The following RBM48 variants were observed in gnomAD, a reference collection of about 807,000 sequenced individuals.
The protein encoded by RBM48 is RNA binding motif protein 48, also known as RNA-binding protein 48.
Under a neutral mutation model 34.8 loss-of-function variants are expected in RBM48, and 32 were observed. That is an observed-to-expected ratio of 0.92 (90% CI 0.69 to 1.23). The LOEUF (loss-of-function observed/expected upper bound fraction) is 1.23, where lower values mean the gene tolerates loss of function less well. RBM48 is among the 50% of genes most tolerant of loss of function. The probability of loss-of-function intolerance (pLI) is 0.00; values close to 1 mark genes in which losing one functional copy is unlikely to be tolerated. For missense variants in RBM48, 441 were observed against 447.2 expected (o/e 0.99, Z 0.12); for synonymous variants, 151 against 156.2 (o/e 0.97, Z 0.25).
Position 92,534,638 on chromosome 7 carries a change from A to G in RBM48, c.685A>G (p.Arg229Gly). The G allele has an allele frequency of 6.2e-7, 1 of 1,614,208 alleles. No individual in the cohort carries two copies. The change falls in exon 4 of 5, where the codon AGA (arginine) becomes GGA (glycine). Residue 229 changes from arginine to glycine, a missense_variant. Coordinates refer to ENST00000265732, the MANE Select transcript of RBM48 (RefSeq NM_032120.4). ...DRAPDSSKDG[R>G]NHHKTMGHYN... ...AGCACCAGACTCCTCTAAGGATGGT[A>G]GAAACCATCATAAAACAATGGGGCA...
rs1793696525 is a variant in RBM48 at position 92,535,765 on chromosome 7, A to T, written c.1017+795A>T. On this transcript the variant is annotated intron_variant, in intron 4 of 4. Coordinates refer to ENST00000265732, the MANE Select transcript of RBM48 (RefSeq NM_032120.4). The stretch of plus-strand genomic sequence containing the variant: ...TTAATTTCATATATGTACATTTTTT[A>T]CCTAAAAATATCTGATTAAAGGTAT... 5.2e-6 allele frequency: 5 copies of T among 970,258 alleles called. No individual in the cohort carries two copies. The African/African-American group carries it at 7.0e-5, about 14-fold the overall frequency. 60.1% of individuals were successfully genotyped at this position (970,258 alleles called of 1,614,324 possible).
In RBM48 at chr7:92,539,861, CTA is replaced by C. The variant is rs1348485377; in HGVS notation, c.*2926_*2927del. On this transcript the variant is annotated 3_prime_UTR_variant, in exon 5 of 5. Transcript: ENST00000265732. The stretch of plus-strand genomic sequence containing the variant: ...AAAACCTTCATAAGCACAAAGTACT[CTA>C]TGTCTCCAAAATTTTAAAAACATTG... Among the ~76,000 whole-genome samples, 5 of 152,196 alleles carry C rather than the reference CTA, an allele frequency of 3.3e-5. No homozygotes were observed. Among genetic ancestry groups the C allele is most frequent in the African/African-American group, 4.8e-5 (2 of 41,456 alleles).
chr7:92,536,832 C>G lies in RBM48; in HGVS notation c.1018-19C>G. On this transcript the variant is annotated intron_variant, in intron 4 of 4. Coordinates refer to ENST00000265732, the MANE Select transcript of RBM48 (RefSeq NM_032120.4). ...CTATAGAAACTAAGTTTTAATGGTT[C>G]TTTTTTTTTTTTAATTAGGTAATTT... 2 of 1,154,944 alleles carry G rather than the reference C, an allele frequency of 1.7e-6. No individual in the cohort carries two copies. Among genetic ancestry groups the G allele is most frequent in the Non-Finnish European group, 2.4e-6 (2 of 838,584 alleles). The allele number at this position is 1,154,944 out of a possible 1,614,324, so 71.5% of individuals were successfully genotyped here.
At chr7:92,532,004 T>G (rs1451366369) in intron 2 of RBM48, among the ~76,000 whole-genome samples, 1 of 152,224 alleles carries the variant, frequency 6.6e-6, no homozygotes, top group African/African-American at 2.4e-5. Context: ...TTATAGTATC[T>G]TTCATCTGAT....
chr7:92,536,738 G>T, intron 4 of RBM48, 113 bp from the exon 5 acceptor site: 1 of 1,374,718 alleles, frequency 7.3e-7, no homozygotes, highest in Non-Finnish European at 9.4e-7. Context: ...ACTCTGCCTC[G>T]AAAGTGACAT....
intron 3 of RBM48, 125 bp downstream of exon 3, chr7:92,532,674 A>G (rs1793606219): frequency 3.0e-6 from 2 of 671,868 alleles, no homozygotes; most frequent in Admixed American, 2.9e-5. Context: ...GTAACTGTGA[A>G]CCACAGGGTT....
chr7:92,538,359 C>G lies in RBM48; in HGVS notation c.*1422C>G, dbSNP rs1397222215. On this transcript the variant is annotated 3_prime_UTR_variant, in exon 5 of 5. Transcript: ENST00000265732. ...GGGGGGTTAATCTTTAACCTCAGGC[C>G]TGGTCAGTGGCGTCGGTTGGTTTTG... 6.6e-6 allele frequency among the ~76,000 whole-genome samples: 1 copy of G among 152,178 alleles called. No homozygotes were observed. Among genetic ancestry groups the G allele is most frequent in the African/African-American group, 2.4e-5 (1 of 41,434 alleles).
At chr7:92,536,234 A>T in intron 4 of RBM48, 1 of 984,708 alleles carries the variant, frequency 1.0e-6, no homozygotes, top group Non-Finnish European at 1.2e-6. Context: ...ACCAGAGCTG[A>T]TTACATTTTC....
chr7:92,536,810 T>G (rs1350910775), intron 4 of RBM48, 41 bp from the exon 5 acceptor site: 1 of 1,536,418 alleles, frequency 6.5e-7, no homozygotes, highest in Non-Finnish European at 8.7e-7. Flanking sequence ...TCCTGTGCTA[T>G]AGAAACTAAG....
chr7:92,530,259 C>T (rs1198486018), intron 2 of RBM48, among the ~76,000 whole-genome samples: 2 of 151,198 alleles, frequency 1.3e-5, no homozygotes, highest in African/African-American at 2.4e-5. Context: ...TTTGGGAGAC[C>T]GAGGCAGGCA....
chr7:92,532,031 C>T (rs1793587862), intron 2 of RBM48, among the ~76,000 whole-genome samples: 1 of 151,854 alleles, frequency 6.6e-6, no homozygotes, highest in Admixed American at 6.6e-5. Flanking sequence ...GGCATGAATC[C>T]CATCACAGAA....
chr7:92,531,721 G>T (rs1793580142), intron 2 of RBM48, among the ~76,000 whole-genome samples: 1 of 152,228 alleles, frequency 6.6e-6, no homozygotes, highest in Non-Finnish European at 1.5e-5. Context: ...CAGACTATGA[G>T]CATGGCTAAG....
intron 4 of RBM48, chr7:92,535,544 T>C: frequency 3.0e-6 from 3 of 985,820 alleles, no homozygotes; most frequent in Non-Finnish European, 3.6e-6. Context: ...ATAATCATTT[T>C]CCATTTCCTA....
intron 3 of RBM48, 103 bp downstream of exon 3, chr7:92,532,652 T>C: frequency 1.3e-6 from 1 of 776,200 alleles, no homozygotes; most frequent in South Asian, 1.8e-5. Flanking sequence ...AAGTAAACCA[T>C]CACAGTATTC....
intron 4 of RBM48, chr7:92,536,169 C>A (rs752025896): frequency 6.2e-5 from 61 of 985,326 alleles, no homozygotes; most frequent in Non-Finnish European, 6.5e-5. Context: ...ACCCTTACTT[C>A]CTTCCTTCAG....
rs922646207 is a variant in RBM48, at chr7:92,529,194, A to C, written c.111+270A>C. On this transcript the variant is annotated intron_variant, in intron 1 of 4. Transcript: ENST00000265732. ...TACTACTTGGCACAGGTAAGCACTC[A>C]GTGAATATTCGTTGAGTGATTGTTC... The C allele has an allele frequency of 5.2e-6, 3 of 574,180 alleles. No individual in the cohort carries two copies. In the African/African-American group the frequency reaches 5.6e-5, roughly 11 times the overall value. 35.6% of individuals were successfully genotyped at this position (574,180 alleles called of 1,614,324 possible).
At position 92,539,545 on chromosome 7, in the gene RBM48, T is replaced by A. The variant is rs996292407; in HGVS notation, c.*2608T>A. Among the ~76,000 whole-genome samples, 1 of 151,932 alleles carries A rather than the reference T, an allele frequency of 6.6e-6. No individual in the cohort carries two copies. The highest frequency in any genetic ancestry group is 6.6e-5 in the Admixed American group (1 of 15,254). Reference sequence around the variant, plus strand: ...GATGAAACTCCATCTCTACAAAAAATACAAAAAGCCAGGCGTGGTGGCAAA... The same window carrying A: ...GATGAAACTCCATCTCTACAAAAAAAACAAAAAGCCAGGCGTGGTGGCAAA... On this transcript the variant is annotated 3_prime_UTR_variant, in exon 5 of 5. Coordinates refer to ENST00000265732, the MANE Select transcript of RBM48 (RefSeq NM_032120.4).
At position 92,529,656 on chromosome 7, in the gene RBM48, C is replaced by G; in HGVS notation, c.292C>G (p.Gln98Glu). The change falls in exon 2 of 5, where the codon CAA (glutamine) becomes GAA (glutamate). Residue 98 changes from glutamine (Q) to glutamate (E), a missense_variant. By Grantham distance (29) the Gln-to-Glu change is conservative. Transcript: ENST00000265732. The part of the protein sequence containing the change: ...EVYLIKFMNL[Q>E]SARTAKRKMD... Reference sequence around the variant, plus strand: ...TTATCTTATTAAATTTATGAACTTACAAAGTGCAAGGTAATGTGCAAGTTA... The same window carrying G: ...TTATCTTATTAAATTTATGAACTTAGAAAGTGCAAGGTAATGTGCAAGTTA... 1 of 1,581,080 alleles carries G rather than the reference C, an allele frequency of 6.3e-7. No individual in the cohort carries two copies. Among genetic ancestry groups the G allele is most frequent in the Non-Finnish European group, 8.6e-7 (1 of 1,156,566 alleles).
At chr7:92,536,403 G>T in intron 4 of RBM48, 1 of 985,604 alleles carries the variant, frequency 1.0e-6, no homozygotes, top group Non-Finnish European at 1.2e-6. Context: ...CTCTTTTTCT[G>T]ATGGTGTGTT....
Sources: allele counts gnomAD v4.1 joint callset (sites outside exome capture counted in the v4.1 genomes callset), GRCh38; gene constraint gnomAD v4.1.1; transcripts MANE v1.5; gene names NCBI Gene and HGNC (gene_info 2026-07-23, HGNC 2026-07-21).